Variants in PPARGC1A observed in about 807,000 individuals in gnomAD.
PPARGC1A encodes the protein PPARG coactivator 1 alpha.
PPARGC1A carries 25 observed loss-of-function variants against 88.7 expected under a neutral mutation model. The ratio of observed to expected loss-of-function variants is 0.28; its 90% confidence interval spans 0.21 to 0.39. PPARGC1A has a LOEUF of 0.39. Among genes scored for constraint, PPARGC1A ranks in the 10% least tolerant of loss-of-function variants. The pLI is 1.00. For missense variants in PPARGC1A, 880 were observed against 968.7 expected (o/e 0.91, Z 1.22); for synonymous variants, 363 against 355.6 (o/e 1.02, Z -0.24).
rs1718783705 is a variant in PPARGC1A at position 23,801,745 on chromosome 4, T to G, written c.2278A>C (p.Asn760His). ...FCGRKQFFKSNYADLDSNSDD... is the reference protein window; with the variant it reads ...FCGRKQFFKSHYADLDSNSDD... Reference sequence around the variant, plus strand: ...AAATCCATACCTAGGTCTGCATAGTTAGACTTGAAAAATTGCTTGCGTCCA... The same window carrying G: ...AAATCCATACCTAGGTCTGCATAGTGAGACTTGAAAAATTGCTTGCGTCCA... The change falls in exon 12 of 13, where the codon AAC (asparagine) becomes CAC (histidine). Residue 760 changes from asparagine to histidine, a missense_variant. By Grantham distance (68) the Asn-to-His change is moderately conservative. Transcript: ENST00000264867. 1 of 1,613,904 alleles carries G rather than the reference T, an allele frequency of 6.2e-7. No homozygotes were observed. The highest frequency in any genetic ancestry group is 8.5e-7 in the Non-Finnish European group (1 of 1,179,944).
upstream of PPARGC1A, among the ~76,000 whole-genome samples, chr4:23,899,933 A>G (rs1424858214): frequency 2.6e-5 from 4 of 152,170 alleles, no homozygotes; most frequent in Non-Finnish European, 4.4e-5. Context: ...ATATACTTCG[A>G]TAACAAGTTT....
At chr4:24,055,700 C>T in the PPARGC1A span, among the ~76,000 whole-genome samples, 3 of 152,180 alleles carry the variant, frequency 2.0e-5, no homozygotes, top group Non-Finnish European at 2.9e-5. Context: ...AGTGGGCTGC[C>T]CCACATCGTA....
the PPARGC1A span, among the ~76,000 whole-genome samples, chr4:23,917,656 C>G: frequency 3.9e-5 from 6 of 152,074 alleles, no homozygotes; most frequent in Admixed American, 3.9e-4. Flanking sequence ...GATAAAAGAC[C>G]ACATAAGGGT....
At chr4:23,856,838 C>A (rs2148689483) in intron 2 of PPARGC1A, among the ~76,000 whole-genome samples, 1 of 151,892 alleles carries the variant, frequency 6.6e-6, no homozygotes, top group Admixed American at 6.6e-5. Flanking sequence ...AGCCCAGGGG[C>A]AGGCTGTTGA....
chr4:24,093,014 G>A, the PPARGC1A span, among the ~76,000 whole-genome samples: 1 of 152,154 alleles, frequency 6.6e-6, no homozygotes, highest in Non-Finnish European at 1.5e-5. Flanking sequence ...ATCATAATAA[G>A]AGCAACTAAC....
chr4:23,851,257 C>G (rs890109518), intron 2 of PPARGC1A, among the ~76,000 whole-genome samples: 5 of 151,994 alleles, frequency 3.3e-5, no homozygotes, highest in Non-Finnish European at 7.4e-5. Context: ...ACATGATGTT[C>G]TGACTGGGAA....
At chr4:24,385,368 C>T in the PPARGC1A span, among the ~76,000 whole-genome samples, 1 of 152,024 alleles carries the variant, frequency 6.6e-6, no homozygotes, top group Non-Finnish European at 1.5e-5. Context: ...CAAAAGCTAG[C>T]AAAAGGCAAG....
chr4:24,277,276 G>A, the PPARGC1A span, among the ~76,000 whole-genome samples: 6 of 152,048 alleles, frequency 3.9e-5, no homozygotes, highest in South Asian at 2.1e-4. Context: ...ACGGGGTTTC[G>A]CCATGTTGCC....
the PPARGC1A span, among the ~76,000 whole-genome samples, chr4:24,461,649 T>G: frequency 6.6e-6 from 1 of 152,044 alleles, no homozygotes; most frequent in Non-Finnish European, 1.5e-5. Context: ...TCTCTCTTAC[T>G]AAATGAAAGC....
chr4:24,211,509 T>C, the PPARGC1A span, among the ~76,000 whole-genome samples: 1 of 152,158 alleles, frequency 6.6e-6, no homozygotes, highest in Non-Finnish European at 1.5e-5. Flanking sequence ...TCGTCCTACA[T>C]AGACAGGTGT....
chr4:24,241,992 G>A, the PPARGC1A span, among the ~76,000 whole-genome samples: 1 of 152,068 alleles, frequency 6.6e-6, no homozygotes, highest in Non-Finnish European at 1.5e-5. Context: ...CAGCTATTAG[G>A]GAGGCAATAA....
chr4:24,382,098 A>G, the PPARGC1A span, among the ~76,000 whole-genome samples: 1 of 152,346 alleles, frequency 6.6e-6, no homozygotes, highest in African/African-American at 2.4e-5. Context: ...AGAAAATGCT[A>G]TATGAACAAA....
At chr4:23,811,232 T>C (rs1326065212) in intron 10 of PPARGC1A, among the ~76,000 whole-genome samples, 1 of 152,264 alleles carries the variant, frequency 6.6e-6, no homozygotes, top group East Asian at 1.9e-4. Context: ...TGCTTGATTT[T>C]GATTCCATTA....
At chr4:24,337,375 C>T in the PPARGC1A span, among the ~76,000 whole-genome samples, 1 of 152,248 alleles carries the variant, frequency 6.6e-6, no homozygotes, top group South Asian at 2.1e-4. Flanking sequence ...TTTGCCAGGC[C>T]CTGTGCCAGT....
the PPARGC1A span, among the ~76,000 whole-genome samples, chr4:24,161,186 G>A: frequency 3.3e-5 from 5 of 152,150 alleles, no homozygotes; most frequent in Non-Finnish European, 7.4e-5. Context: ...AATGATGCAG[G>A]TCCCCCTTGA....
chr4:24,267,999 G>T, the PPARGC1A span, among the ~76,000 whole-genome samples: 71,759 of 151,930 alleles, frequency 0.47, 17,791 homozygotes, highest in East Asian at 0.65. Context: ...AAGTCTCTTT[G>T]TCAGGATGAA....
chr4:23,899,157 A>T (rs1419959672), intron 1 of PPARGC1A: 1 of 152,020 alleles, frequency 6.6e-6, no homozygotes, highest in Non-Finnish European at 1.5e-5. Flanking sequence ...CCTGAGGTGG[A>T]CCTTTCTACC....
chr4:24,147,589 AG>A, the PPARGC1A span, among the ~76,000 whole-genome samples: 6 of 152,142 alleles, frequency 3.9e-5, no homozygotes, highest in Non-Finnish European at 8.8e-5. Context: ...AATGGCCACA[AG>A]GTCAGAGCCA....
the PPARGC1A span, among the ~76,000 whole-genome samples, chr4:24,323,626 G>A: frequency 7.9e-5 from 12 of 151,954 alleles, no homozygotes; most frequent in South Asian, 2.1e-4. Context: ...CTCTCTTTTC[G>A]GACTCAGCCC....
Sources: allele counts gnomAD v4.1 joint callset (sites outside exome capture counted in the v4.1 genomes callset), GRCh38; gene constraint gnomAD v4.1.1; transcripts MANE v1.5; gene names NCBI Gene and HGNC (gene_info 2026-07-23, HGNC 2026-07-21).